Variants in PAK3 observed in about 807,000 individuals in gnomAD.
PAK3 encodes serine/threonine-protein kinase PAK 3.
Under a neutral mutation model 41.0 loss-of-function variants are expected in PAK3, and 4 were observed. That is an observed-to-expected ratio of 0.10 (90% confidence interval 0.05 to 0.22). PAK3 has a LOEUF of 0.22. Ranked by LOEUF, PAK3 falls within the 10% of genes least tolerant of loss-of-function variation. The pLI is 1.00. For synonymous variants in PAK3, 146 were observed against 139.6 expected, an observed-to-expected ratio of 1.05 and a Z score of -0.32; for missense variants, 205 against 409.9, an observed-to-expected ratio of 0.50 and a Z score of 4.32.
chrX:111,193,525 A>G (rs943252042), intron 13 of PAK3, among the ~76,000 whole-genome samples: 7 of 108,857 alleles, frequency 6.4e-5, no homozygotes, highest in African/African-American at 2.3e-4. Flanking sequence ...AATTTTTCGT[A>G]TTTTAGTAGA....
Position 111,032,313 on chromosome X carries a change from A to C in PAK3, c.-28+87685A>C, listed in dbSNP as rs373359605. On this transcript the variant is annotated intron_variant, in intron 1 of 14. Transcript: ENST00000425146. ...GATCAATGCTCTTGAAGACCATTAC[A>C]TCTTGGTTGCATTTGTGTAACTATA... is the stretch of plus-strand genomic sequence containing the variant. Among the ~76,000 whole-genome samples, 19 of 112,133 alleles carry C rather than the reference A, an allele frequency of 1.7e-4. No individual in the cohort carries two copies. In the East Asian group the frequency reaches 5.3e-3, roughly 31 times the overall value.
intron 1 of PAK3, among the ~76,000 whole-genome samples, chrX:110,948,013 A>C (rs1436396376): frequency 2.7e-5 from 3 of 112,313 alleles, no homozygotes; most frequent in Non-Finnish European, 5.6e-5. Flanking sequence ...AGTGAAGTGA[A>C]GAATTAAGGC....
At chrX:111,143,786 T>C (rs183049836) in intron 6 of PAK3, among the ~76,000 whole-genome samples, 1 of 112,205 alleles carries the variant, frequency 8.9e-6, no homozygotes, top group East Asian at 2.8e-4. Context: ...AACTCTTCCC[T>C]TTTTTATTAA....
intron 1 of PAK3, among the ~76,000 whole-genome samples, chrX:111,084,611 C>T (rs924541962): frequency 9.0e-6 from 1 of 111,728 alleles, no homozygotes; most frequent in East Asian, 2.8e-4. Context: ...TCCCTTGCTG[C>T]GATGTGGATG....
intron 10 of PAK3, among the ~76,000 whole-genome samples, chrX:111,164,544 C>A (rs2094230429): frequency 9.0e-6 from 1 of 111,129 alleles, no homozygotes; most frequent in Non-Finnish European, 1.9e-5. Context: ...TTTACTGGAG[C>A]AAATATCAAA....
chrX:111,173,776 A>G (rs990022160), intron 11 of PAK3, among the ~76,000 whole-genome samples: 1 of 111,787 alleles, frequency 8.9e-6, no homozygotes, highest in Non-Finnish European at 1.9e-5. Context: ...AGCTGAAGGC[A>G]GGAGTCACCA....
At chrX:110,995,658 C>A (rs2091727261) in intron 1 of PAK3, among the ~76,000 whole-genome samples, 1 of 111,329 alleles carries the variant, frequency 9.0e-6, no homozygotes, top group African/African-American at 3.3e-5. Flanking sequence ...TCAAAACCCT[C>A]CCATGGCTCC....
In PAK3 at chrX:111,204,941, ATTTTT is replaced by A. The variant is rs775428482; in HGVS notation, c.1407+8319_1407+8323del. Among the ~76,000 whole-genome samples the A allele has an allele frequency of 7.1e-3, 231 of 32,438 alleles. 4 individuals carry two copies. Among genetic ancestry groups the A allele is most frequent in the African/African-American group, 0.034 (212 of 6,281 alleles). 28.2% of individuals were successfully genotyped at this position (32,438 alleles called of 115,157 possible). A position where few individuals can be genotyped will look rare whatever the true frequency, so the allele number is the denominator to read the frequency against. On this transcript the variant is annotated intron_variant, in intron 16 of 17. Coordinates refer to ENST00000372007, the MANE Select transcript of PAK3 (RefSeq NM_002578.5). ...CTCAGATGGCAAAGTTCATCAGCAC[ATTTTT>A]TTTTTTTTTTTTTTTTTAATCTAGG... is the stretch of plus-strand genomic sequence containing the variant.
intron 1 of PAK3, among the ~76,000 whole-genome samples, chrX:111,036,080 A>G (rs1027138496): frequency 8.9e-6 from 1 of 112,433 alleles, no homozygotes. Flanking sequence ...TCAGTTCATC[A>G]GTCTCTAGGC....
intron 1 of PAK3, among the ~76,000 whole-genome samples, chrX:111,047,397 T>C (rs891133215): frequency 9.1e-6 from 1 of 110,132 alleles, no homozygotes; most frequent in Admixed American, 9.7e-5. Context: ...TAAATGCCAA[T>C]GGTTTTAGGT....
intron 16 of PAK3, among the ~76,000 whole-genome samples, chrX:111,214,454 T>G (rs1268093079): frequency 1.8e-5 from 2 of 111,865 alleles, no homozygotes; most frequent in African/African-American, 3.3e-5. Context: ...TTCAGACAAG[T>G]CTGGGACTCT....
At chrX:111,006,634 A>C (rs1315591975) in intron 1 of PAK3, among the ~76,000 whole-genome samples, 1 of 111,388 alleles carries the variant, frequency 9.0e-6, no homozygotes, top group Non-Finnish European at 1.9e-5. Flanking sequence ...CATTGGGTTC[A>C]GTCAAATAGA....
At position 111,123,118 on chromosome X, in the gene PAK3, G is replaced by A; in HGVS notation, c.15G>A (p.Leu5=). The A allele has an allele frequency of 8.3e-7, 1 of 1,203,693 alleles. No individual in the cohort carries two copies. Among genetic ancestry groups the A allele is most frequent in the Non-Finnish European group, 1.1e-6 (1 of 888,308 alleles). The part of the protein sequence containing the change: MSDG[L]DNEEKPPAPP... ...TGTAACTGAAAATGTCTGACGGTCT[G>A]GATAATGAAGAGAAACCCCCGGCTC... Residue 5 remains leucine, a synonymous_variant, in exon 5 of 18, where the codon CTG becomes CTA. Transcript: ENST00000372007.
intron 1 of PAK3, among the ~76,000 whole-genome samples, chrX:111,041,409 A>T (rs2092451393): frequency 9.0e-6 from 1 of 111,383 alleles, no homozygotes; most frequent in African/African-American, 3.3e-5. Flanking sequence ...TGGGGCAGAG[A>T]TTGCCTCACT....
In PAK3 at chrX:111,015,447, C is replaced by G. The variant is rs149202165; in HGVS notation, c.-28+70819C>G. Among the ~76,000 whole-genome samples the G allele has an allele frequency of 3.6e-3, 396 of 111,139 alleles. 2 individuals are homozygous for G. Among genetic ancestry groups the G allele is most frequent in the Middle Eastern group, 0.024 (5 of 212 alleles). On this transcript the variant is annotated intron_variant, in intron 1 of 14. Coordinates refer to the PAK3 transcript ENST00000425146. The stretch of plus-strand genomic sequence containing the variant: ...TCTCTTTGAGATACTGTTTTTGACT[C>G]TTTTGAATATATACCCAGATGTAAA...
At chrX:111,207,170 A>ATG (rs1013006727) in intron 16 of PAK3, among the ~76,000 whole-genome samples, 1 of 108,097 alleles carries the variant, frequency 9.3e-6, no homozygotes, top group Non-Finnish European at 1.9e-5. Context: ...TTACATATAT[A>ATG]TGTGTGTATA....
intron 1 of PAK3, among the ~76,000 whole-genome samples, chrX:110,973,166 C>T (rs2091249707): frequency 9.0e-6 from 1 of 111,416 alleles, no homozygotes; most frequent in South Asian, 3.8e-4. Flanking sequence ...GAGAACTTCC[C>T]CAACCTAGCA....
At chrX:110,989,269 T>C (rs760493380) in intron 1 of PAK3, among the ~76,000 whole-genome samples, 8 of 111,959 alleles carry the variant, frequency 7.1e-5, no homozygotes, top group Non-Finnish European at 1.3e-4. Flanking sequence ...TCAAAACTCT[T>C]CATCTCCTAC....
chrX:110,972,356 A>T (rs886930948), intron 1 of PAK3, among the ~76,000 whole-genome samples: 2 of 111,622 alleles, frequency 1.8e-5, no homozygotes, highest in African/African-American at 6.5e-5. Flanking sequence ...AGAAGCTTCC[A>T]GAGGAAGGAT....
Sources: gnomAD v4.1 joint callset for allele counts (sites outside exome capture counted in the v4.1 genomes callset) on GRCh38, gnomAD v4.1.1 for gene constraint, MANE v1.5 for transcripts, NCBI Gene and HGNC (gene_info 2026-07-23, HGNC 2026-07-21) for gene names.